Variants in ZFAT observed in about 807,000 individuals in gnomAD.
The protein encoded by ZFAT is zinc finger protein ZFAT.
In ZFAT, 64 loss-of-function variants were observed where a neutral mutation model predicts 117.7. The observed-to-expected ratio is 0.54, with a 90% CI of 0.44 to 0.67. The LOEUF (loss-of-function observed/expected upper bound fraction) is 0.67, where lower values mean the gene tolerates loss of function less well. Ranked by LOEUF, ZFAT falls within the 30% of genes least tolerant of loss-of-function variation. The pLI is 0.00. For missense variants in ZFAT, 1,433 were observed against 1,584.5 expected, an observed-to-expected ratio of 0.90 and a Z score of 1.62; for synonymous variants, 679 against 615.0, an observed-to-expected ratio of 1.10 and a Z score of -1.54.
chr8:134,501,240 T>C (rs887129785), intron 15 of ZFAT, among the ~76,000 whole-genome samples: 13 of 152,196 alleles, frequency 8.5e-5, no homozygotes, highest in African/African-American at 2.9e-4. Context: ...TGGGTGCCTA[T>C]GCTCTCGGTC....
chr8:134,511,250 T>G (rs891248658), intron 14 of ZFAT, among the ~76,000 whole-genome samples: 9 of 150,928 alleles, frequency 6.0e-5, no homozygotes, highest in Non-Finnish European at 8.9e-5. Flanking sequence ...AGAGTGTGTG[T>G]GGGGGGTGTG....
the ZFAT span, among the ~76,000 whole-genome samples, chr8:134,781,093 G>GTATCA: frequency 2.7e-4 from 41 of 152,036 alleles, no homozygotes; most frequent in Non-Finnish European, 4.4e-4. Flanking sequence ...GGTAGGGAAG[G>GTATCA]TATCATTAAA....
At chr8:134,747,651 T>C in the ZFAT span, among the ~76,000 whole-genome samples, 1 of 152,208 alleles carries the variant, frequency 6.6e-6, no homozygotes, top group African/African-American at 2.4e-5. Context: ...CTTGTAACTG[T>C]GAAGAACAAA....
rs558937351 is a variant in ZFAT, at chr8:134,499,970, G to A, written c.3492+9649C>T. ...AGTTCTTGTTTCCGGGAATCCCTCC[G>A]GCCAGGATGGAGACTACTGTTCTGG... On this transcript the variant is annotated intron_variant, in intron 15 of 15. Coordinates refer to ENST00000377838, the MANE Select transcript of ZFAT (RefSeq NM_020863.4). 9.8e-5 allele frequency among the ~76,000 whole-genome samples: 15 copies of A among 152,312 alleles called. No individual in the cohort carries two copies. In the South Asian group the frequency reaches 2.9e-3, roughly 29 times the overall value.
intron 1 of ZFAT, among the ~76,000 whole-genome samples, chr8:134,688,074 C>T (rs1391194863): frequency 6.6e-6 from 1 of 151,974 alleles, no homozygotes; most frequent in Non-Finnish European, 1.5e-5. Flanking sequence ...CCACAGCTGC[C>T]CTGGTAAGAT....
At chr8:134,816,712 C>T in the ZFAT span, among the ~76,000 whole-genome samples, 2 of 152,002 alleles carry the variant, frequency 1.3e-5, no homozygotes, top group East Asian at 1.9e-4. Context: ...TGGCCAGGCA[C>T]GGTGGCTCAC....
At chr8:134,717,034 C>T (rs962087276), upstream of ZFAT, among the ~76,000 whole-genome samples, 3 of 152,084 alleles carry the variant, frequency 2.0e-5, no homozygotes, top group Non-Finnish European at 2.9e-5. Context: ...CATAAATAAC[C>T]AGCTAAAAGG....
intron 3 of ZFAT, among the ~76,000 whole-genome samples, chr8:134,636,120 T>G (rs1340407520): frequency 1.3e-5 from 2 of 152,238 alleles, no homozygotes; most frequent in Non-Finnish European, 2.9e-5. Flanking sequence ...TATTAGTTGA[T>G]GAGTTACTCA....
intron 15 of ZFAT, among the ~76,000 whole-genome samples, chr8:134,488,198 G>A (rs544935278): frequency 7.9e-5 from 12 of 152,202 alleles, no homozygotes; most frequent in Admixed American, 7.9e-4. Flanking sequence ...ACAGGTAAAC[G>A]GCACCCCCAT....
At chr8:134,551,617 A>G (rs1357306651) in intron 11 of ZFAT, among the ~76,000 whole-genome samples, 2 of 152,190 alleles carry the variant, frequency 1.3e-5, no homozygotes, top group African/African-American at 2.4e-5. Flanking sequence ...ACTTTGAACT[A>G]TTTATAAATG....
Position 134,659,586 on chromosome 8 carries a change from G to A in ZFAT, c.20-1849C>T, listed in dbSNP as rs543801729. ...GGGTGCATGATGGCTTGTGCGTGCAGAACTCACCCTCTCTGATGATTGTTC... is the reference window on the plus strand; with the variant it reads ...GGGTGCATGATGGCTTGTGCGTGCAAAACTCACCCTCTCTGATGATTGTTC... On this transcript the variant is annotated intron_variant, in intron 1 of 15. Coordinates refer to ENST00000377838, the MANE Select transcript of ZFAT (RefSeq NM_020863.4). Among the ~76,000 whole-genome samples, 13 of 152,288 alleles carry A rather than the reference G, an allele frequency of 8.5e-5. No individual in the cohort carries two copies. The South Asian group carries it at 2.7e-3, about 32-fold the overall frequency.
chr8:134,502,406 G>A (rs1819060839), intron 15 of ZFAT, among the ~76,000 whole-genome samples: 2 of 152,278 alleles, frequency 1.3e-5, no homozygotes, highest in Non-Finnish European at 2.9e-5. Context: ...GGCAACTGGT[G>A]TATATGGTCT....
chr8:134,781,026 GT>G, the ZFAT span, among the ~76,000 whole-genome samples: 2 of 152,012 alleles, frequency 1.3e-5, no homozygotes, highest in Non-Finnish European at 2.9e-5. Context: ...ATAAGGTTTT[GT>G]GGGGTTTTTT....
chr8:134,712,772 C>A lies in ZFAT; in HGVS notation c.19+73G>T. On this transcript the variant is annotated intron_variant, in intron 1 of 15. Coordinates refer to ENST00000377838, the MANE Select transcript of ZFAT (RefSeq NM_020863.4). ...GCGCACTGCTTCCCGACTCGACGCT[C>A]GAAACGGCTTTCCGCGCGCCGCGCC... The A allele has an allele frequency of 2.1e-6, 3 of 1,414,496 alleles. No individual in the cohort carries two copies. The South Asian group carries it at 3.9e-5, about 18-fold the overall frequency. The allele number at this position is 1,414,496 out of a possible 1,614,324, so 87.6% of individuals were successfully genotyped here.
At chr8:134,660,135 T>C (rs1346392546) in intron 1 of ZFAT, among the ~76,000 whole-genome samples, 1 of 152,200 alleles carries the variant, frequency 6.6e-6, no homozygotes, top group East Asian at 1.9e-4. Context: ...TTGCTAATCC[T>C]ACAATAATCC....
the ZFAT span, among the ~76,000 whole-genome samples, chr8:134,734,567 G>C: frequency 2.2e-3 from 331 of 152,338 alleles, 2 homozygotes; most frequent in African/African-American, 7.6e-3. Flanking sequence ...TCGTGGCACA[G>C]TGTGGTGGGT....
In ZFAT at chr8:134,600,608, T is replaced by C; in HGVS notation, c.2303A>G (p.His768Arg). ...ATGACACTGAGAGCAATAATACAGA[T>C]GTTCCCGGGTGTGGGTGCGGACATG... ...DMHVRTHTREHLYYCSQCHYS... is the reference protein window; with the variant it reads ...DMHVRTHTRERLYYCSQCHYS... Residue 768 changes from histidine to arginine, a missense_variant, in exon 7 of 16, where the codon CAT becomes CGT. Transcript: ENST00000377838. 1.2e-6 allele frequency: 2 copies of C among 1,613,850 alleles called. No homozygotes were observed. Among genetic ancestry groups the C allele is most frequent in the Non-Finnish European group, 1.7e-6 (2 of 1,179,910 alleles).
At chr8:134,744,727 CTTTTTTTT>C in the ZFAT span, among the ~76,000 whole-genome samples, 1 of 103,518 alleles carries the variant, frequency 9.7e-6, no homozygotes, top group East Asian at 2.9e-4. Flanking sequence ...GCCTACTCTC[CTTTTTTTT>C]TTTTTTTTTT....
intron 5 of ZFAT, among the ~76,000 whole-genome samples, chr8:134,603,940 T>C (rs149695862): frequency 1.3e-5 from 2 of 152,326 alleles, no homozygotes; most frequent in African/African-American, 4.8e-5. Flanking sequence ...AGAACACAGA[T>C]GGGGAAAATA....
Sources: gnomAD v4.1 joint callset for allele counts (sites outside exome capture counted in the v4.1 genomes callset) on GRCh38, gnomAD v4.1.1 for gene constraint, MANE v1.5 for transcripts, NCBI Gene and HGNC (gene_info 2026-07-23, HGNC 2026-07-21) for gene names.